Variants in NOS1AP observed in about 807,000 individuals in gnomAD.
NOS1AP encodes nitric oxide synthase 1 adaptor protein.
Under a neutral mutation model 56.2 loss-of-function variants are expected in NOS1AP, and 21 were observed. The ratio of observed to expected loss-of-function variants is 0.37; its 90% CI spans 0.26 to 0.54. NOS1AP has a LOEUF of 0.54. NOS1AP is among the 20% of genes least tolerant of loss of function. The pLI, the probability that NOS1AP is intolerant of heterozygous loss-of-function variation, is 0.84. For missense variants in NOS1AP, 522 were observed against 657.8 expected, an observed-to-expected ratio of 0.79 and a Z score of 2.26; for synonymous variants, 270 against 274.6, an observed-to-expected ratio of 0.98 and a Z score of 0.17.
intron 1 of NOS1AP, 41 bp downstream of exon 1, chr1:162,070,323 TG>T (rs758556561): frequency 4.6e-6 from 7 of 1,530,296 alleles, no homozygotes; most frequent in Admixed American, 1.7e-5. Context: ...TGGTGGCGGT[TG>T]GGGGGGCATG....
intron 5 of NOS1AP, among the ~76,000 whole-genome samples, chr1:162,340,547 C>T (rs931073402): frequency 3.9e-5 from 6 of 152,186 alleles, no homozygotes; most frequent in African/African-American, 1.4e-4. Context: ...ATTCCATAGT[C>T]AGGATAAAAC....
chr1:162,162,930 AG>A (rs1650295950), intron 2 of NOS1AP, among the ~76,000 whole-genome samples: 1 of 152,148 alleles, frequency 6.6e-6, no homozygotes, highest in African/African-American at 2.4e-5. Flanking sequence ...AACCCCAAAA[AG>A]AAACTCTATA....
chr1:162,107,190 G>C lies in NOS1AP; in HGVS notation c.105+36908G>C, dbSNP rs72713864. Among the ~76,000 whole-genome samples the C allele has an allele frequency of 8.6e-3, 1,307 of 152,166 alleles. 12 individuals carry two copies. Among genetic ancestry groups the C allele is most frequent in the South Asian group, 0.022 (108 of 4,818 alleles). ...AGAATACGTATTTTCTTTGATATTT[G>C]CTTTCTTTTAAAAGAATAAACCATA... On this transcript the variant is annotated intron_variant, in intron 1 of 9. Transcript: ENST00000361897.
chr1:162,268,034 G>A (rs116619079), intron 2 of NOS1AP, among the ~76,000 whole-genome samples: 3,870 of 152,146 alleles, frequency 0.025, 70 homozygotes, highest in Non-Finnish European at 0.038. Flanking sequence ...CCAAGTGGGC[G>A]GGTTACTTGA....
rs737641 is a variant in NOS1AP at position 162,369,063 on chromosome 1, G to A, written c.*1596G>A. On this transcript the variant is annotated 3_prime_UTR_variant, in exon 10 of 10. Transcript: ENST00000361897. ...AGGGTGTCAGTGGAAATAGGATCAG[G>A]TGGTGTGTGTGTGTGTGTTTTGTGT... 44,894 of 151,008 alleles carry A rather than the reference G, an allele frequency of 0.3. 7,951 individuals carry two copies. Among genetic ancestry groups the A allele is most frequent in the East Asian group, 0.52 (2,698 of 5,174 alleles). 9.4% of individuals were successfully genotyped at this position (151,008 alleles called of 1,614,324 possible).
chr1:162,203,541 TAATC>T (rs1652059516), intron 2 of NOS1AP, among the ~76,000 whole-genome samples: 1 of 152,200 alleles, frequency 6.6e-6, no homozygotes, highest in Non-Finnish European at 1.5e-5. Context: ...ACAGGAAAGA[TAATC>T]AAAGGGTGTA....
chr1:162,255,957 A>C (rs896991779), intron 2 of NOS1AP, among the ~76,000 whole-genome samples: 6 of 152,122 alleles, frequency 3.9e-5, no homozygotes. Context: ...CAGTCTGGCT[A>C]ACATGGTGAA....
At chr1:162,340,424 A>G (rs1347675448) in intron 5 of NOS1AP, among the ~76,000 whole-genome samples, 3 of 152,228 alleles carry the variant, frequency 2.0e-5, no homozygotes, top group African/African-American at 4.8e-5. Context: ...GTTAGCATAC[A>G]TAAGTAAGAG....
At chr1:162,299,167 G>A (rs1052368761) in intron 3 of NOS1AP, among the ~76,000 whole-genome samples, 4 of 152,190 alleles carry the variant, frequency 2.6e-5, no homozygotes, top group African/African-American at 9.7e-5. Flanking sequence ...GCATCAGTTG[G>A]AAAGCAGCCT....
At chr1:162,363,697 G>C in intron 8 of NOS1AP, 1 of 710,256 alleles carries the variant, frequency 1.4e-6, no homozygotes, top group Non-Finnish European at 1.7e-6. Context: ...TACCACTCTG[G>C]AGATCTCAAG....
chr1:162,141,350 A>G (rs921999307), intron 1 of NOS1AP, among the ~76,000 whole-genome samples: 4 of 152,174 alleles, frequency 2.6e-5, no homozygotes, highest in African/African-American at 9.7e-5. Flanking sequence ...ATATATTTTT[A>G]TTTTTAGAGC....
intron 2 of NOS1AP, among the ~76,000 whole-genome samples, chr1:162,174,484 C>T (rs189322187): frequency 2.8e-4 from 43 of 152,078 alleles, no homozygotes; most frequent in Non-Finnish European, 5.9e-4. Flanking sequence ...GGGTGCAGCA[C>T]ACCAACATGG....
At chr1:162,264,456 T>TCCTCTCC (rs1355742065) in intron 2 of NOS1AP, among the ~76,000 whole-genome samples, 1 of 38,174 alleles carries the variant, frequency 2.6e-5, no homozygotes, top group African/African-American at 2.9e-4. Flanking sequence ...TTCTCTTCTC[T>TCCTCTCC]TCTCTTCTCC....
intron 4 of NOS1AP, among the ~76,000 whole-genome samples, chr1:162,314,849 A>G (rs1656180404): frequency 6.6e-6 from 1 of 152,242 alleles, no homozygotes; most frequent in Non-Finnish European, 1.5e-5. Context: ...ATCTTTGAAT[A>G]TTTGCATCTA....
chr1:162,273,162 T>A (rs77138427), intron 2 of NOS1AP, among the ~76,000 whole-genome samples: 1 of 69,118 alleles, frequency 1.4e-5, no homozygotes. Context: ...CCCTTGTTCT[T>A]TTTTTTTTTT....
At chr1:162,209,983 C>G (rs1297797704) in intron 2 of NOS1AP, among the ~76,000 whole-genome samples, 3 of 152,142 alleles carry the variant, frequency 2.0e-5, no homozygotes, top group Non-Finnish European at 4.4e-5. Flanking sequence ...AGACGAGTGA[C>G]CAGACTAGAT....
intron 2 of NOS1AP, among the ~76,000 whole-genome samples, chr1:162,256,456 C>G (rs939440679): frequency 1.3e-5 from 2 of 152,184 alleles, no homozygotes; most frequent in Admixed American, 6.5e-5. Context: ...GGCCAATCCC[C>G]GCACCGATTG....
chr1:162,123,771 C>CCCTT (rs1648353741), intron 1 of NOS1AP, among the ~76,000 whole-genome samples: 1 of 152,100 alleles, frequency 6.6e-6, no homozygotes, highest in African/African-American at 2.4e-5. Context: ...ATTCATTGAT[C>CCCTT]CCTTCATCTA....
At position 162,311,592 on chromosome 1, in the gene NOS1AP, T is replaced by TA. The variant is rs1465807273; in HGVS notation, c.344+10886_344+10887insA. 3.6e-4 allele frequency among the ~76,000 whole-genome samples: 54 copies of TA among 148,852 alleles called. 1 individual carries two copies. The highest frequency in any genetic ancestry group is 9.9e-4 in the East Asian group (5 of 5,054). On this transcript the variant is annotated intron_variant, in intron 4 of 9. Transcript: ENST00000361897. ...TCACCCTTTGTTTTCTTTTTTTTTT[T>TA]TAATTATACTTTAAGTTTTAGGGTA...
Sources: allele counts gnomAD v4.1 joint callset (sites outside exome capture counted in the v4.1 genomes callset), GRCh38; gene constraint gnomAD v4.1.1; transcripts MANE v1.5; gene names NCBI Gene and HGNC (gene_info 2026-07-23, HGNC 2026-07-21).